The following ACBD6 variants were observed in gnomAD, a reference collection of about 807,000 sequenced individuals.
ACBD6 encodes the protein acyl-CoA binding domain containing 6, also known as acyl-CoA-binding domain-containing protein 6.
A neutral mutation model predicts 37.2 loss-of-function variants in ACBD6; 28 were observed. The ratio of observed to expected loss-of-function variants is 0.75; its 90% CI spans 0.56 to 1.03. The LOEUF (loss-of-function observed/expected upper bound fraction) is 1.03, where lower values mean the gene tolerates loss of function less well. Ranked by LOEUF, ACBD6 falls within the 50% of genes least tolerant of loss-of-function variation. ACBD6 has a pLI of 0.00. For synonymous variants in ACBD6, 113 were observed against 126.8 expected, an observed-to-expected ratio of 0.89 and a Z score of 0.73; for missense variants, 340 against 337.4, an observed-to-expected ratio of 1.01 and a Z score of -0.06.
At chr1:180,483,811 T>C (rs917796047) in intron 3 of ACBD6, among the ~76,000 whole-genome samples, 8 of 152,186 alleles carry the variant, frequency 5.3e-5, no homozygotes, top group East Asian at 1.9e-4. Flanking sequence ...TACACTCAAA[T>C]GTAATCATTC....
chr1:180,397,093 C>A (rs1654287581), intron 6 of ACBD6, among the ~76,000 whole-genome samples: 1 of 152,006 alleles, frequency 6.6e-6, no homozygotes, highest in Non-Finnish European at 1.5e-5. Context: ...TTGGGATATC[C>A]AAAAAATTCA....
chr1:180,395,470 T>TA (rs1461447622), intron 6 of ACBD6, among the ~76,000 whole-genome samples: 10 of 152,186 alleles, frequency 6.6e-5, no homozygotes, highest in African/African-American at 2.4e-4. Context: ...TGTGTGATTT[T>TA]TTTTTATTTT....
intron 3 of ACBD6, among the ~76,000 whole-genome samples, chr1:180,451,726 A>T (rs1557876520): frequency 6.6e-6 from 1 of 152,224 alleles, no homozygotes; most frequent in Non-Finnish European, 1.5e-5. Flanking sequence ...AAATGAGGAG[A>T]CTGAAACTAA....
chr1:180,381,278 T>C (rs1005620432), intron 6 of ACBD6, among the ~76,000 whole-genome samples: 6 of 152,186 alleles, frequency 3.9e-5, no homozygotes, highest in African/African-American at 1.4e-4. Context: ...GGGACTTTAA[T>C]ACACCATTTT....
At chr1:180,338,945 G>A (rs1651857288) in intron 6 of ACBD6, among the ~76,000 whole-genome samples, 1 of 152,142 alleles carries the variant, frequency 6.6e-6, no homozygotes. Flanking sequence ...TATCATCACT[G>A]GCCATCAGAG....
At chr1:180,352,125 G>T (rs182145080) in intron 6 of ACBD6, among the ~76,000 whole-genome samples, 90 of 152,252 alleles carry the variant, frequency 5.9e-4, no homozygotes, top group Non-Finnish European at 1.1e-3. Flanking sequence ...GAATTATGGT[G>T]GCCAGGAGGC....
chr1:180,391,270 T>A (rs532082532), intron 6 of ACBD6, among the ~76,000 whole-genome samples: 2 of 152,062 alleles, frequency 1.3e-5, no homozygotes, highest in African/African-American at 4.8e-5. Flanking sequence ...AGACAATGAT[T>A]TCTTAAAACC....
intron 3 of ACBD6, among the ~76,000 whole-genome samples, chr1:180,442,953 T>TTTTA (rs1403711128): frequency 6.6e-6 from 1 of 152,128 alleles, no homozygotes; most frequent in East Asian, 1.9e-4. Flanking sequence ...CACCATGTAC[T>TTTTA]TTTATTGACA....
At chr1:180,319,519 T>C (rs1270215409) in intron 6 of ACBD6, among the ~76,000 whole-genome samples, 1 of 152,212 alleles carries the variant, frequency 6.6e-6, no homozygotes, top group Non-Finnish European at 1.5e-5. Context: ...GTGCTTTTAG[T>C]TTGTACTCAT....
chr1:180,500,241 T>G (rs1339723), intron 1 of ACBD6, among the ~76,000 whole-genome samples: 145,343 of 152,188 alleles, frequency 0.96, 69,468 homozygotes, highest in African/African-American at 0.99. Context: ...AGAAAAAAAG[T>G]TTACACATTT....
intron 7 of ACBD6, among the ~76,000 whole-genome samples, chr1:180,295,973 G>T (rs1558237814): frequency 1.3e-5 from 2 of 152,104 alleles, no homozygotes; most frequent in South Asian, 4.1e-4. Context: ...AGTAATGAAG[G>T]CATGTCAAAA....
intron 4 of ACBD6, among the ~76,000 whole-genome samples, chr1:180,416,916 A>T (rs1165118692): frequency 6.6e-6 from 1 of 152,188 alleles, no homozygotes; most frequent in Non-Finnish European, 1.5e-5. Flanking sequence ...CTAGCTTGGA[A>T]ATCTATTTAA....
At position 180,457,574 on chromosome 1, in the gene ACBD6, T is replaced by C. The variant is rs1649972716; in HGVS notation, c.385-27312A>G. ...AAAAGACCTCAAAAGCCAGACCTAGTGCTAAGGAATCTTACAATCAAAGGG... is the reference window on the plus strand; with the variant it reads ...AAAAGACCTCAAAAGCCAGACCTAGCGCTAAGGAATCTTACAATCAAAGGG... On this transcript the variant is annotated intron_variant, in intron 3 of 7. Transcript: ENST00000367595. Among the ~76,000 whole-genome samples the C allele has an allele frequency of 2.6e-5, 4 of 152,098 alleles. No homozygotes were observed. In the South Asian group the frequency reaches 8.3e-4, roughly 31 times the overall value.
chr1:180,390,782 A>C (rs1017525021), intron 6 of ACBD6, among the ~76,000 whole-genome samples: 4 of 152,174 alleles, frequency 2.6e-5, no homozygotes, highest in African/African-American at 9.7e-5. Flanking sequence ...ATGGGAGTTC[A>C]CACAATTCTT....
chr1:180,434,989 A>T, intron 3 of ACBD6: 2 of 944,664 alleles, frequency 2.1e-6, no homozygotes, highest in South Asian at 2.6e-5. Context: ...TGGACTGAGT[A>T]CGGCCTGACG....
intron 6 of ACBD6, among the ~76,000 whole-genome samples, chr1:180,346,480 G>A (rs1253200333): frequency 6.6e-6 from 1 of 152,158 alleles, no homozygotes; most frequent in Non-Finnish European, 1.5e-5. Context: ...GGAGGGCAGA[G>A]ATGGAATGGA....
At chr1:180,388,752 G>T (rs2101938430) in intron 6 of ACBD6, among the ~76,000 whole-genome samples, 1 of 151,920 alleles carries the variant, frequency 6.6e-6, no homozygotes, top group East Asian at 1.9e-4. Context: ...AAAATTAATT[G>T]TATCTCTATA....
intron 3 of ACBD6, among the ~76,000 whole-genome samples, chr1:180,464,467 A>G (rs112602745): frequency 0.042 from 6,433 of 152,214 alleles, 429 homozygotes; most frequent in African/African-American, 0.14. Flanking sequence ...CAAAGTACCT[A>G]GGAAACAGCT....
At chr1:180,331,646 C>G (rs1417181228) in intron 6 of ACBD6, among the ~76,000 whole-genome samples, 1 of 152,124 alleles carries the variant, frequency 6.6e-6, no homozygotes, top group Non-Finnish European at 1.5e-5. Flanking sequence ...CCAGGGGGAT[C>G]TGATAGAATA....
Sources: allele counts gnomAD v4.1 joint callset (sites outside exome capture counted in the v4.1 genomes callset), GRCh38; gene constraint gnomAD v4.1.1; transcripts MANE v1.5; gene names NCBI Gene and HGNC (gene_info 2026-07-23, HGNC 2026-07-21).